The following PIP5K1C variants were observed in gnomAD, a reference collection of about 807,000 sequenced individuals.
The protein encoded by PIP5K1C is phosphatidylinositol-4-phosphate 5-kinase type 1 gamma.
A neutral mutation model predicts 80.1 loss-of-function variants in PIP5K1C; 45 were observed. That is an observed-to-expected ratio of 0.56 (90% confidence interval 0.44 to 0.72). The LOEUF is 0.72. PIP5K1C is among the 30% of genes least tolerant of loss of function. PIP5K1C has a pLI of 0.00. For missense variants in PIP5K1C, 753 were observed against 954.6 expected (o/e 0.79, Z 2.78); for synonymous variants, 498 against 420.1 (o/e 1.19, Z -2.27).
rs147859260 is a variant in PIP5K1C at position 3,642,465 on chromosome 19, G to A, written c.1682+442C>T. ...CGAGTGACAACAGCAAGGTGTGGGC[G>A]GCGTGCACGGGTGTGCCCATTTGTG... On this transcript the variant is annotated intron_variant, in intron 14 of 17. Transcript: ENST00000335312. Among the ~76,000 whole-genome samples, 509 of 152,292 alleles carry A rather than the reference G, an allele frequency of 3.3e-3. 5 individuals carry two copies. Among genetic ancestry groups the A allele is most frequent in the African/African-American group, 0.012 (488 of 41,562 alleles).
At chr19:3,651,514 T>C (rs1484691587) in intron 8 of PIP5K1C, among the ~76,000 whole-genome samples, 1 of 152,226 alleles carries the variant, frequency 6.6e-6, no homozygotes, top group Non-Finnish European at 1.5e-5. Flanking sequence ...TAGACCCCTC[T>C]GAGTGCCACC....
chr19:3,695,209 C>T (rs938515276), intron 1 of PIP5K1C, among the ~76,000 whole-genome samples: 2 of 152,216 alleles, frequency 1.3e-5, no homozygotes, highest in African/African-American at 2.4e-5. Context: ...CTGGCCCACA[C>T]GAGGTGCTCA....
intron 1 of PIP5K1C, among the ~76,000 whole-genome samples, chr19:3,676,317 T>C (rs2035358112): frequency 6.6e-6 from 1 of 152,082 alleles, no homozygotes; most frequent in African/African-American, 2.4e-5. Flanking sequence ...CGCCGTAAAC[T>C]GTCACCCGGT....
At chr19:3,697,017 A>T (rs1024312673) in intron 1 of PIP5K1C, among the ~76,000 whole-genome samples, 2 of 150,552 alleles carry the variant, frequency 1.3e-5, no homozygotes, top group African/African-American at 4.9e-5. Flanking sequence ...AGCTGGACCG[A>T]GGAGGACCGA....
At chr19:3,663,840 G>C (rs888332588) in intron 3 of PIP5K1C, among the ~76,000 whole-genome samples, 1 of 152,212 alleles carries the variant, frequency 6.6e-6, no homozygotes, top group African/African-American at 2.4e-5. Flanking sequence ...ATGACACCGA[G>C]TTACACGTGA....
chr19:3,644,400 G>A, intron 11 of PIP5K1C, 149 bp from the exon 12 acceptor site: 3 of 783,386 alleles, frequency 3.8e-6, no homozygotes, highest in Non-Finnish European at 6.1e-6. Context: ...CAACCTCTTG[G>A]TGGAAAACCG....
At chr19:3,649,955 GC>G in intron 8 of PIP5K1C, 1 of 243,202 alleles carries the variant, frequency 4.1e-6, no homozygotes, top group South Asian at 4.1e-5. Context: ...CTGGGCTGGC[GC>G]CCTGCACGCT....
At chr19:3,643,908 C>T (rs2034093290) in intron 12 of PIP5K1C, among the ~76,000 whole-genome samples, 179 bp downstream of exon 12, 1 of 152,114 alleles carries the variant, frequency 6.6e-6, no homozygotes, top group African/African-American at 2.4e-5. Context: ...TACTCAGCTC[C>T]CCCTGGGCTC....
chr19:3,659,801 C>G (rs1417414300), intron 5 of PIP5K1C, among the ~76,000 whole-genome samples: 1 of 152,228 alleles, frequency 6.6e-6, no homozygotes, highest in Non-Finnish European at 1.5e-5. Flanking sequence ...CGGGCGCTTC[C>G]TACAGACTGA....
intron 1 of PIP5K1C, among the ~76,000 whole-genome samples, chr19:3,683,259 G>A (rs773690678): frequency 3.9e-5 from 6 of 152,218 alleles, no homozygotes; most frequent in South Asian, 2.1e-4. Context: ...AGCCTGGCAC[G>A]TGGGTAAGGC....
At chr19:3,679,513 G>A (rs2035520101) in intron 1 of PIP5K1C, among the ~76,000 whole-genome samples, 1 of 152,154 alleles carries the variant, frequency 6.6e-6, no homozygotes, top group Admixed American at 6.5e-5. Flanking sequence ...CTTCCTGTGG[G>A]AGCACAGACC....
chr19:3,638,267 G>A (rs1003714896), intron 16 of PIP5K1C, among the ~76,000 whole-genome samples: 2 of 152,162 alleles, frequency 1.3e-5, no homozygotes, highest in Admixed American at 1.3e-4. Flanking sequence ...CCCAGACCCT[G>A]GCAAGGGAGA....
At position 3,693,351 on chromosome 19, in the gene PIP5K1C, G is replaced by A. The variant is rs146280089; in HGVS notation, c.94+6946C>T. Among the ~76,000 whole-genome samples, 87 of 152,056 alleles carry A rather than the reference G, an allele frequency of 5.7e-4. No individual in the cohort carries two copies. The East Asian group carries it at 0.016, about 28-fold the overall frequency. ...CCCTCGCACCCCCATGCCAGCTCAG[G>A]CACCTGGGGGCCCTCATGCTCGACT... On this transcript the variant is annotated intron_variant, in intron 1 of 17. Transcript: ENST00000335312.
At position 3,630,360 on chromosome 19, in the gene PIP5K1C, T is replaced by A. The variant is rs2145350525; in HGVS notation, c.*2807A>T. 1 of 152,620 alleles carries A rather than the reference T, an allele frequency of 6.6e-6. No homozygotes were observed. The highest frequency in any genetic ancestry group is 1.9e-4 in the East Asian group (1 of 5,170). The allele number at this position is 152,620 out of a possible 1,614,324, so 9.5% of individuals were successfully genotyped here. A position where few individuals can be genotyped will look rare whatever the true frequency, so the allele number is the denominator to read the frequency against. ...GCACCCTCGTCTCGGCGCTTTGGAT[T>A]GTCACGCACCAGACCACGGGGCGGA... is the stretch of plus-strand genomic sequence containing the variant. On this transcript the variant is annotated 3_prime_UTR_variant, in exon 18 of 18. Transcript: ENST00000335312.
chr19:3,645,245 C>T (rs967647697), intron 11 of PIP5K1C, among the ~76,000 whole-genome samples: 13 of 152,258 alleles, frequency 8.5e-5, no homozygotes, highest in African/African-American at 2.7e-4. Flanking sequence ...CCAAGCATCT[C>T]TGTGGGCCAG....
chr19:3,652,169 G>A, intron 7 of PIP5K1C, 138 bp from the exon 8 acceptor site: 1 of 711,316 alleles, frequency 1.4e-6, no homozygotes. Flanking sequence ...GGCCAGGCAG[G>A]AGTGGGGGTT....
intron 1 of PIP5K1C, among the ~76,000 whole-genome samples, chr19:3,680,329 G>T (rs1568352434): frequency 1.3e-5 from 2 of 152,138 alleles, no homozygotes; most frequent in Non-Finnish European, 2.9e-5. Flanking sequence ...TTTTGAGACG[G>T]AGTCCTGCTC....
Position 3,647,329 on chromosome 19 carries a change from G to A in PIP5K1C, c.1260+9C>T. On this transcript the variant is annotated intron_variant, in intron 10 of 17. Coordinates refer to ENST00000335312, the MANE Select transcript of PIP5K1C (RefSeq NM_012398.3). ...GGAGGAGGAATGGGAGGAGGGTGCA[G>A]GCGCTCACCCCATCGTGGACGAGGG... 1 of 1,569,338 alleles carries A rather than the reference G, an allele frequency of 6.4e-7. No homozygotes were observed. Among genetic ancestry groups the A allele is most frequent in the East Asian group, 2.4e-5 (1 of 42,212 alleles).
Position 3,692,604 on chromosome 19 carries a change from C to T in PIP5K1C, c.94+7693G>A, listed in dbSNP as rs1471752805. Among the ~76,000 whole-genome samples, 1 of 152,146 alleles carries T rather than the reference C, an allele frequency of 6.6e-6. No individual in the cohort carries two copies. The stretch of plus-strand genomic sequence containing the variant: ...CTGGCCCAGCCCCAGCTTCGCCCAC[C>T]TGGGCCAGTGCAGTCCCCTCTGCCC... On this transcript the variant is annotated intron_variant, in intron 1 of 17. Transcript: ENST00000335312. This position sits in a 1 kb window ranked among gnomAD's most constrained non-coding sequence, Gnocchi z 5.2.
Sources: allele counts gnomAD v4.1 joint callset (sites outside exome capture counted in the v4.1 genomes callset), GRCh38; gene constraint gnomAD v4.1.1; non-coding constraint Gnocchi (gnomAD v3.1); transcripts MANE v1.5; gene names NCBI Gene and HGNC (gene_info 2026-07-23, HGNC 2026-07-21).